OIP5: variants seen among roughly 807,000 people sequenced by gnomAD.
OIP5 encodes the protein protein Mis18-beta.
A neutral mutation model predicts 20.3 loss-of-function variants in OIP5; 24 were observed. The observed-to-expected ratio is 1.18, with a 90% CI of 0.86 to 1.66. OIP5 has a LOEUF of 1.66. Ranked by LOEUF, OIP5 falls within the 40% of genes most tolerant of loss-of-function variation. The pLI is 0.00. For synonymous variants in OIP5, 143 were observed against 121.3 expected (o/e 1.18, Z -1.17); for missense variants, 339 against 289.5 (o/e 1.17, Z -1.24).
At chr15:41,313,484 A>G in intron 3 of OIP5, 130 bp from the exon 4 acceptor site, 4 of 588,270 alleles carry the variant, frequency 6.8e-6, no homozygotes, top group South Asian at 4.0e-5. Flanking sequence ...TTCAAGACTC[A>G]TGATGTTACA....
intron 2 of OIP5, among the ~76,000 whole-genome samples, chr15:41,327,755 T>C (rs879396997): frequency 6.6e-6 from 1 of 151,870 alleles, no homozygotes; most frequent in Non-Finnish European, 1.5e-5. Flanking sequence ...GCCACTGCAC[T>C]TCAGCCTGGG....
intron 2 of OIP5, among the ~76,000 whole-genome samples, chr15:41,326,596 T>G (rs758245941): frequency 1.3e-5 from 2 of 152,136 alleles, no homozygotes; most frequent in African/African-American, 2.4e-5. Context: ...CTTGGCTAAT[T>G]TTGTCTTTTA....
At chr15:41,325,021 G>A (rs888533672) in intron 2 of OIP5, among the ~76,000 whole-genome samples, 1 of 152,128 alleles carries the variant, frequency 6.6e-6, no homozygotes, top group Non-Finnish European at 1.5e-5. Context: ...ATCTTCAATG[G>A]GTGCGGTTTG....
chr15:41,319,335 A>G (rs2047808100), intron 3 of OIP5, among the ~76,000 whole-genome samples: 2 of 151,546 alleles, frequency 1.3e-5, no homozygotes, highest in African/African-American at 4.9e-5. Context: ...AGCTCACTGC[A>G]GCCTCTGCCT....
chr15:41,329,313 G>GTT (rs760717935), intron 2 of OIP5, among the ~76,000 whole-genome samples: 51 of 121,254 alleles, frequency 4.2e-4, no homozygotes, highest in South Asian at 5.3e-4. Flanking sequence ...TTTCCCTCTA[G>GTT]TTTTTTTTTT....
chr15:41,318,797 T>TGATC (rs2047804205), intron 3 of OIP5, among the ~76,000 whole-genome samples: 1 of 150,926 alleles, frequency 6.6e-6, no homozygotes, highest in Admixed American at 6.6e-5. Context: ...TGGGCTCAGG[T>TGATC]GATCCTCCCA....
intron 4 of OIP5, 72 bp downstream of exon 4, chr15:41,313,201 C>G: frequency 4.4e-6 from 4 of 899,910 alleles, no homozygotes; most frequent in South Asian, 4.2e-5. Flanking sequence ...TCATCATCCC[C>G]AAGTTCATTG....
At chr15:41,316,139 A>ATT (rs2047787596) in intron 3 of OIP5, among the ~76,000 whole-genome samples, 1 of 94,754 alleles carries the variant, frequency 1.1e-5, no homozygotes, top group Non-Finnish European at 2.6e-5. Flanking sequence ...GTCTCAAAGA[A>ATT]AAAAAAAAAG....
At chr15:41,331,539 C>A (rs1223582363) in intron 2 of OIP5, among the ~76,000 whole-genome samples, 2 of 152,154 alleles carry the variant, frequency 1.3e-5, no homozygotes, top group African/African-American at 4.8e-5. Flanking sequence ...GAGCTATGAG[C>A]GCACCAGTGC....
intron 2 of OIP5, among the ~76,000 whole-genome samples, chr15:41,326,214 A>C (rs1310149421): frequency 1.3e-5 from 2 of 152,314 alleles, no homozygotes; most frequent in South Asian, 4.1e-4. Flanking sequence ...AAAACACAGT[A>C]TATTTTATTG....
intron 2 of OIP5, among the ~76,000 whole-genome samples, chr15:41,328,639 T>C (rs558181766): frequency 6.6e-5 from 10 of 152,336 alleles, no homozygotes; most frequent in African/African-American, 2.2e-4. Context: ...GTCTACTTTA[T>C]GACTTTGAAT....
chr15:41,324,402 G>A (rs1307441242), intron 2 of OIP5, among the ~76,000 whole-genome samples: 1 of 152,158 alleles, frequency 6.6e-6, no homozygotes, highest in East Asian at 1.9e-4. Flanking sequence ...TTAAAGGAAT[G>A]TTGTGGCTGA....
rs1272505315 is a variant in OIP5 at position 41,331,944 on chromosome 15, T to A, written c.360A>T (p.Leu120=). Residue 120 remains leucine (L), a synonymous_variant, in exon 2 of 5, where the codon CTA becomes CTT. Transcript: ENST00000220514. ...TNNVVLEAPF[L]VGIEGSLKGS... ...CTTTGAGTGAACCTTCAATGCCAAC[T>A]AGGAAGGGCGCTTCCAAAACGACGT... 2 of 1,613,842 alleles carry A rather than the reference T, an allele frequency of 1.2e-6. No homozygotes were observed. The highest frequency in any genetic ancestry group is 1.7e-6 in the Non-Finnish European group (2 of 1,179,996).
chr15:41,330,456 A>G (rs974776859), intron 2 of OIP5, among the ~76,000 whole-genome samples: 26 of 145,194 alleles, frequency 1.8e-4, no homozygotes, highest in East Asian at 2.0e-4. Context: ...CCAGGCTGGA[A>G]TGCAGTGGCG....
intron 3 of OIP5, among the ~76,000 whole-genome samples, chr15:41,316,940 A>C (rs1000338941): frequency 2.6e-5 from 4 of 152,144 alleles, no homozygotes; most frequent in African/African-American, 7.2e-5. Context: ...GAACTCAGTG[A>C]TATAAGCATA....
At chr15:41,320,764 C>T (rs1166777675) in intron 2 of OIP5, among the ~76,000 whole-genome samples, 2 of 151,436 alleles carry the variant, frequency 1.3e-5, no homozygotes, top group Non-Finnish European at 2.9e-5. Context: ...ATGTGAGGAG[C>T]CCCTCTGCCT....
At chr15:41,321,896 C>T (rs911416964) in intron 2 of OIP5, among the ~76,000 whole-genome samples, 8 of 147,624 alleles carry the variant, frequency 5.4e-5, no homozygotes, top group South Asian at 2.1e-4. Flanking sequence ...TCCCCCTCTG[C>T]GAGAAACACC....
intron 2 of OIP5, among the ~76,000 whole-genome samples, chr15:41,327,295 C>A (rs1353087322): frequency 6.6e-6 from 1 of 151,818 alleles, no homozygotes; most frequent in South Asian, 2.1e-4. Context: ...GATTCTCCTG[C>A]CTCAGCCTCC....
At chr15:41,322,883 G>A (rs1406979915) in intron 2 of OIP5, among the ~76,000 whole-genome samples, 4 of 151,888 alleles carry the variant, frequency 2.6e-5, no homozygotes, top group East Asian at 1.9e-4. Flanking sequence ...TGCAGTGAGC[G>A]GAGATTGTGC....
Sources: allele counts gnomAD v4.1 joint callset (sites outside exome capture counted in the v4.1 genomes callset), GRCh38; gene constraint gnomAD v4.1.1; transcripts MANE v1.5; gene names NCBI Gene and HGNC (gene_info 2026-07-23, HGNC 2026-07-21).